The following ADAM12 variants were observed in gnomAD, a reference collection of about 807,000 sequenced individuals.
ADAM12 encodes the protein ADAM metallopeptidase domain 12.
ADAM12 carries 70 observed loss-of-function variants against 106.4 expected under a neutral mutation model. The observed-to-expected ratio is 0.66, with a 90% confidence interval of 0.54 to 0.80. The LOEUF (loss-of-function observed/expected upper bound fraction) is 0.80. ADAM12 is among the 30% of genes least tolerant of loss of function. The probability of loss-of-function intolerance (pLI) is 0.00; values close to 1 mark genes in which losing one functional copy is unlikely to be tolerated. For missense variants in ADAM12, 1,010 were observed against 1,171.9 expected, an observed-to-expected ratio of 0.86 and a Z score of 2.02; for synonymous variants, 420 against 433.5, an observed-to-expected ratio of 0.97 and a Z score of 0.39.
At chr10:126,115,929 C>A (rs1010996086) in intron 6 of ADAM12, among the ~76,000 whole-genome samples, 13 of 152,286 alleles carry the variant, frequency 8.5e-5, no homozygotes, top group Admixed American at 6.5e-4. Context: ...CATTTTAAGT[C>A]CAGGATGCTT....
intron 3 of ADAM12, among the ~76,000 whole-genome samples, chr10:126,267,833 T>C (rs1590708638): frequency 6.6e-6 from 1 of 150,794 alleles, no homozygotes; most frequent in Admixed American, 6.7e-5. Flanking sequence ...GCGGTGGGGG[T>C]GGATTTAGAA....
chr10:126,027,778 T>C (rs1031243742), intron 21 of ADAM12, among the ~76,000 whole-genome samples: 6 of 152,110 alleles, frequency 3.9e-5, no homozygotes, highest in Non-Finnish European at 7.4e-5. Context: ...AGCTGGAAGC[T>C]TTCCCCTTGA....
chr10:126,234,994 T>C (rs1357037294), intron 3 of ADAM12, among the ~76,000 whole-genome samples: 5 of 151,712 alleles, frequency 3.3e-5, no homozygotes, highest in Admixed American at 6.6e-5. Context: ...AGGTGGGGAG[T>C]TGAGACAGGC....
chr10:126,073,047 G>T (rs934770031), intron 11 of ADAM12, among the ~76,000 whole-genome samples: 2 of 152,120 alleles, frequency 1.3e-5, no homozygotes, highest in African/African-American at 4.8e-5. Flanking sequence ...TCTTCCCCAA[G>T]TATATAAGGC....
intron 3 of ADAM12, among the ~76,000 whole-genome samples, chr10:126,185,690 T>C (rs1264153793): frequency 6.6e-6 from 1 of 151,816 alleles, no homozygotes; most frequent in Admixed American, 6.6e-5. Flanking sequence ...TGGGGAGCAA[T>C]TAGAGAAACA....
intron 3 of ADAM12, among the ~76,000 whole-genome samples, chr10:126,182,948 G>C (rs908437785): frequency 6.6e-6 from 1 of 152,252 alleles, no homozygotes; most frequent in African/African-American, 2.4e-5. Context: ...CCACACAGCA[G>C]GAGGTGAGTG....
At chr10:126,172,476 A>T (rs973633944) in intron 3 of ADAM12, among the ~76,000 whole-genome samples, 2 of 152,218 alleles carry the variant, frequency 1.3e-5, no homozygotes, top group African/African-American at 2.4e-5. Context: ...AAAAGAAGAC[A>T]TTTATGTTGC....
At chr10:126,237,285 T>C (rs958763868) in intron 3 of ADAM12, among the ~76,000 whole-genome samples, 3 of 152,238 alleles carry the variant, frequency 2.0e-5, no homozygotes, top group African/African-American at 7.2e-5. Context: ...CAACTTAAAA[T>C]TAATTTGAAA....
chr10:126,290,208 T>C lies in ADAM12; in HGVS notation c.187-11220A>G, dbSNP rs540722412. On this transcript the variant is annotated intron_variant, in intron 2 of 22. Transcript: ENST00000448723. ...ACCGCCAGCAAGAAAATAGGAACCATGTTCCTACCACCACATAGAACTGAA... is the reference window on the plus strand; with the variant it reads ...ACCGCCAGCAAGAAAATAGGAACCACGTTCCTACCACCACATAGAACTGAA... Among the ~76,000 whole-genome samples the C allele has an allele frequency of 3.3e-5, 5 of 152,274 alleles. No homozygotes were observed. The South Asian group carries it at 6.2e-4, about 19-fold the overall frequency.
intron 18 of ADAM12, 137 bp from the exon 19 acceptor site, chr10:126,039,566 A>C: frequency 9.9e-7 from 1 of 1,011,740 alleles, no homozygotes; most frequent in East Asian, 2.6e-5. Flanking sequence ...TGATGTACTA[A>C]TAAACTGTCT....
intron 2 of ADAM12, among the ~76,000 whole-genome samples, chr10:126,285,705 T>A (rs1959823294): frequency 6.6e-6 from 1 of 152,164 alleles, no homozygotes; most frequent in East Asian, 1.9e-4. Context: ...AGACACTCTA[T>A]CCTCAGTGCA....
intron 1 of ADAM12, among the ~76,000 whole-genome samples, chr10:126,366,093 A>G (rs936260348): frequency 6.6e-6 from 1 of 152,218 alleles, no homozygotes; most frequent in South Asian, 2.1e-4. Flanking sequence ...ACAGATCAAT[A>G]TAAGTATATA....
chr10:126,327,652 C>T (rs1253516078), intron 2 of ADAM12, among the ~76,000 whole-genome samples: 1 of 150,672 alleles, frequency 6.6e-6, no homozygotes, highest in East Asian at 2.0e-4. Flanking sequence ...ACGAAGAAAT[C>T]AAAAAGCTAG....
At chr10:126,103,002 G>A (rs570750771) in intron 8 of ADAM12, among the ~76,000 whole-genome samples, 7 of 152,340 alleles carry the variant, frequency 4.6e-5, no homozygotes, top group African/African-American at 7.2e-5. Context: ...GACACCTTGC[G>A]TGGGCTCAGG....
intron 1 of ADAM12, among the ~76,000 whole-genome samples, chr10:126,340,021 A>G (rs2133867131): frequency 6.6e-6 from 1 of 151,916 alleles, no homozygotes; most frequent in African/African-American, 2.4e-5. Context: ...CACCTAGTGA[A>G]TTTTTGTATT....
chr10:126,355,633 T>A (rs983387837), intron 1 of ADAM12, among the ~76,000 whole-genome samples: 6 of 152,208 alleles, frequency 3.9e-5, no homozygotes, highest in Admixed American at 1.3e-4. Flanking sequence ...GGGCCCATGG[T>A]TTCTGCAGTG....
intron 1 of ADAM12, among the ~76,000 whole-genome samples, chr10:126,369,118 G>GAAA (rs1856019007): frequency 6.6e-6 from 1 of 151,934 alleles, no homozygotes; most frequent in Admixed American, 6.6e-5. Context: ...TGGATACATG[G>GAAA]TATTTTTTTT....
chr10:126,132,350 C>T (rs116126860), intron 5 of ADAM12, among the ~76,000 whole-genome samples: 1,546 of 152,280 alleles, frequency 0.01, 23 homozygotes, highest in African/African-American at 0.036. Context: ...CAACACATGA[C>T]CTTTGAAGAA....
intron 11 of ADAM12, among the ~76,000 whole-genome samples, chr10:126,085,129 T>C (rs36000138): frequency 0.18 from 28,067 of 152,198 alleles, 3,287 homozygotes; most frequent in South Asian, 0.33. Flanking sequence ...CTCTACTGTT[T>C]GAAAGCAAAT....
Sources: gnomAD v4.1 joint callset for allele counts (sites outside exome capture counted in the v4.1 genomes callset) on GRCh38, gnomAD v4.1.1 for gene constraint, MANE v1.5 for transcripts, NCBI Gene and HGNC (gene_info 2026-07-23, HGNC 2026-07-21) for gene names.